Variants in CTNNBL1 observed in about 807,000 individuals in gnomAD.
The protein encoded by CTNNBL1 is beta-catenin-like protein 1.
In CTNNBL1, 31 loss-of-function variants were observed where a neutral mutation model predicts 72.7. The ratio of observed to expected loss-of-function variants is 0.43; its 90% CI spans 0.32 to 0.58. CTNNBL1 has a LOEUF of 0.58. Among genes scored for constraint, CTNNBL1 ranks in the 20% least tolerant of loss-of-function variants. The pLI, the probability that CTNNBL1 is intolerant of heterozygous loss-of-function variation, is 0.08. For missense variants in CTNNBL1, 534 were observed against 725.1 expected, an observed-to-expected ratio of 0.74 and a Z score of 3.03; for synonymous variants, 240 against 267.3, an observed-to-expected ratio of 0.90 and a Z score of 1.00.
chr20:37,860,023 C>T lies in CTNNBL1; in HGVS notation c.1517C>T (p.Ala506Val), dbSNP rs2072477758. ...ICYIMAEICNANVPQIRQRVH... is the reference protein window; with the variant it reads ...ICYIMAEICNVNVPQIRQRVH... The stretch of plus-strand genomic sequence containing the variant: ...TACATCATGGCCGAGATCTGCAATG[C>T]CAATGTCCCCCAGGTAGGAGGGTCT... Residue 506 changes from alanine (A) to valine (V), a missense_variant, in exon 14 of 16, where the codon GCC (alanine) becomes GTC (valine). Physicochemically the swap from Ala to Val is moderately conservative, Grantham distance 64. Coordinates refer to ENST00000361383, the MANE Select transcript of CTNNBL1 (RefSeq NM_030877.5). The T allele has an allele frequency of 6.2e-7, 1 of 1,614,062 alleles. No individual in the cohort carries two copies. The highest frequency in any genetic ancestry group is 8.5e-7 in the Non-Finnish European group (1 of 1,180,044).
At chr20:37,699,969 T>C (rs2072825741) in intron 1 of CTNNBL1, among the ~76,000 whole-genome samples, 3 of 152,200 alleles carry the variant, frequency 2.0e-5, no homozygotes, top group South Asian at 4.1e-4. Flanking sequence ...TTTCCTCATA[T>C]GCCTAATGAG....
At chr20:37,759,437 TA>T (rs2073395059) in intron 5 of CTNNBL1, among the ~76,000 whole-genome samples, 1 of 152,164 alleles carries the variant, frequency 6.6e-6, no homozygotes, top group Admixed American at 6.5e-5. Context: ...CTGTTGCATG[TA>T]AAACATACCC....
chr20:37,694,299 C>T, intron 1 of CTNNBL1, 147 bp downstream of exon 1: 2 of 663,930 alleles, frequency 3.0e-6, no homozygotes, highest in Non-Finnish European at 4.8e-6. Flanking sequence ...CCTCGTTTTA[C>T]TTTGCTCTCC....
chr20:37,871,816 C>T, intron 15 of CTNNBL1, 109 bp from the exon 16 acceptor site: 2 of 939,744 alleles, frequency 2.1e-6, no homozygotes, highest in Non-Finnish European at 3.4e-6. Context: ...GGCATTAGGG[C>T]GACTTGCACC....
intron 5 of CTNNBL1, among the ~76,000 whole-genome samples, chr20:37,759,474 C>T (rs961414028): frequency 2.0e-5 from 3 of 152,056 alleles, no homozygotes; most frequent in African/African-American, 7.2e-5. Flanking sequence ...CTCAAAAGCC[C>T]CCTTTGTTTT....
intron 4 of CTNNBL1, chr20:37,750,532 A>G (rs1415423162): frequency 6.6e-6 from 1 of 152,222 alleles, no homozygotes; most frequent in East Asian, 1.9e-4. Context: ...GTACATTTAA[A>G]GATATTTTCT....
intron 11 of CTNNBL1, among the ~76,000 whole-genome samples, chr20:37,833,487 T>A (rs2072229305): frequency 6.6e-6 from 1 of 152,206 alleles, no homozygotes; most frequent in Admixed American, 6.5e-5. Context: ...TCCACCTAGA[T>A]GCCAGGCTAC....
chr20:37,740,101 A>G (rs1044748402), intron 3 of CTNNBL1, among the ~76,000 whole-genome samples: 1 of 152,182 alleles, frequency 6.6e-6, no homozygotes, highest in Non-Finnish European at 1.5e-5. Flanking sequence ...TTTTATTTAA[A>G]AAAATCGGTA....
intron 5 of CTNNBL1, among the ~76,000 whole-genome samples, chr20:37,764,528 T>C (rs1001125857): frequency 3.3e-5 from 5 of 152,220 alleles, no homozygotes; most frequent in African/African-American, 1.2e-4. Context: ...ATCAGCTGTA[T>C]GATGTGGCTA....
At chr20:37,866,244 G>A (rs2072535800) in intron 15 of CTNNBL1, among the ~76,000 whole-genome samples, 1 of 152,206 alleles carries the variant, frequency 6.6e-6, no homozygotes, top group South Asian at 2.1e-4. Context: ...GCTGCCCCCG[G>A]GCCTCACACC....
intron 11 of CTNNBL1, chr20:37,832,313 G>A (rs1296914468): frequency 1.3e-5 from 2 of 152,256 alleles, no homozygotes; most frequent in Non-Finnish European, 2.9e-5. Context: ...TCAGGTTGCA[G>A]TATGGAAGGA....
At chr20:37,843,955 C>T (rs1447993849) in intron 13 of CTNNBL1, among the ~76,000 whole-genome samples, 1 of 152,212 alleles carries the variant, frequency 6.6e-6, no homozygotes, top group East Asian at 1.9e-4. Context: ...TTAGCATGTT[C>T]CACCACAATT....
intron 11 of CTNNBL1, among the ~76,000 whole-genome samples, chr20:37,837,149 G>C (rs1457023013): frequency 6.6e-6 from 1 of 152,058 alleles, no homozygotes; most frequent in Non-Finnish European, 1.5e-5. Flanking sequence ...ACAAAGGTCA[G>C]AGCACTTTCC....
intron 10 of CTNNBL1, among the ~76,000 whole-genome samples, chr20:37,794,468 C>T (rs1191895134): frequency 6.6e-6 from 1 of 152,124 alleles, no homozygotes; most frequent in Non-Finnish European, 1.5e-5. Flanking sequence ...AGGCATGCAC[C>T]ACCACCCCTG....
intron 11 of CTNNBL1, among the ~76,000 whole-genome samples, chr20:37,806,608 A>G (rs2071962986): frequency 6.6e-6 from 1 of 152,216 alleles, no homozygotes. Flanking sequence ...CAATGGGTAA[A>G]CATATGTAAC....
intron 15 of CTNNBL1, among the ~76,000 whole-genome samples, chr20:37,866,145 C>T (rs185924204): frequency 6.6e-6 from 1 of 152,236 alleles, no homozygotes; most frequent in South Asian, 2.1e-4. Context: ...TATGTTAGCC[C>T]TGTAGCCAGC....
chr20:37,709,692 C>T (rs1371737341), intron 1 of CTNNBL1, among the ~76,000 whole-genome samples: 5 of 151,946 alleles, frequency 3.3e-5, no homozygotes, highest in Non-Finnish European at 7.4e-5. Flanking sequence ...GTAGAGATGC[C>T]GAAGGACTAA....
chr20:37,716,147 A>G (rs80320448), intron 1 of CTNNBL1, among the ~76,000 whole-genome samples: 9,482 of 152,196 alleles, frequency 0.062, 351 homozygotes, highest in African/African-American at 0.072. Context: ...TCTTATTTGT[A>G]TTACCTTTGG....
At chr20:37,823,652 C>A (rs1211656224) in intron 11 of CTNNBL1, among the ~76,000 whole-genome samples, 5 of 152,222 alleles carry the variant, frequency 3.3e-5, no homozygotes, top group African/African-American at 1.2e-4. Context: ...GCCCCCTCCC[C>A]CACCAACTGA....
Sources: allele counts gnomAD v4.1 joint callset (sites outside exome capture counted in the v4.1 genomes callset), GRCh38; gene constraint gnomAD v4.1.1; transcripts MANE v1.5; gene names NCBI Gene and HGNC (gene_info 2026-07-23, HGNC 2026-07-21).